LCLAT1: variants seen among roughly 807,000 people sequenced by gnomAD.
LCLAT1 encodes 1-AGP acyltransferase 8.
In LCLAT1, 11 loss-of-function variants were observed where a neutral mutation model predicts 30.7. The observed-to-expected ratio is 0.36, with a 90% CI of 0.23 to 0.59. The LOEUF is 0.59. Ranked by LOEUF, LCLAT1 falls within the 20% of genes least tolerant of loss-of-function variation. LCLAT1 has a pLI of 0.77. For synonymous variants in LCLAT1, 155 were observed against 151.3 expected (o/e 1.02, Z -0.18); for missense variants, 402 against 458.6 (o/e 0.88, Z 1.13).
chr2:30,596,548 T>C (rs922160361), intron 5 of LCLAT1, among the ~76,000 whole-genome samples: 3 of 151,862 alleles, frequency 2.0e-5, no homozygotes, highest in Non-Finnish European at 4.4e-5. Context: ...ATTAGACCTT[T>C]GTCAGATGGA....
chr2:30,527,307 T>G (rs1162715281), intron 2 of LCLAT1, among the ~76,000 whole-genome samples: 2 of 152,222 alleles, frequency 1.3e-5, no homozygotes, highest in Non-Finnish European at 2.9e-5. Flanking sequence ...GGATTCAGAA[T>G]TGTATATCTG....
At chr2:30,574,103 C>G (rs1463091656) in intron 5 of LCLAT1, among the ~76,000 whole-genome samples, 1 of 151,892 alleles carries the variant, frequency 6.6e-6, no homozygotes, top group Non-Finnish European at 1.5e-5. Flanking sequence ...GATTGCACCA[C>G]TATACTCCAG....
intron 3 of LCLAT1, among the ~76,000 whole-genome samples, chr2:30,557,283 CGTGTGTGTGTGTGTGTGTGT>C (rs373793652): frequency 1.4e-5 from 2 of 138,562 alleles, no homozygotes; most frequent in East Asian, 2.1e-4. Context: ...AAGGTATGAT[CGTGTGTGTGTGTGTGTGTGT>C]GTGTGTGTGT....
At chr2:30,447,795 A>G (rs1681336224) in intron 1 of LCLAT1, among the ~76,000 whole-genome samples, 2 of 152,216 alleles carry the variant, frequency 1.3e-5, no homozygotes, top group Admixed American at 6.5e-5. Flanking sequence ...TGACCCTGTT[A>G]AATCCCATGC....
intron 3 of LCLAT1, among the ~76,000 whole-genome samples, chr2:30,540,117 C>T (rs1030909579): frequency 1.3e-5 from 2 of 152,280 alleles, no homozygotes; most frequent in South Asian, 2.1e-4. Flanking sequence ...TGTTGTCACT[C>T]GGTTTCCCCA....
At chr2:30,490,144 G>A (rs1683769213) in intron 1 of LCLAT1, among the ~76,000 whole-genome samples, 1 of 151,878 alleles carries the variant, frequency 6.6e-6, no homozygotes, top group Admixed American at 6.6e-5. Context: ...GGCCAAGCTA[G>A]GATTCAAACT....
intron 5 of LCLAT1, among the ~76,000 whole-genome samples, chr2:30,620,062 A>G (rs1668167822): frequency 6.6e-6 from 1 of 152,312 alleles, no homozygotes; most frequent in East Asian, 1.9e-4. Flanking sequence ...GATAATCTCA[A>G]TTAATCCTCC....
chr2:30,460,446 T>A (rs910255563), intron 1 of LCLAT1, among the ~76,000 whole-genome samples: 5 of 152,254 alleles, frequency 3.3e-5, no homozygotes, highest in African/African-American at 4.8e-5. Flanking sequence ...GCTGCTTTTG[T>A]AATGCTTTTG....
At chr2:30,481,697 A>G (rs1683330784) in intron 1 of LCLAT1, among the ~76,000 whole-genome samples, 1 of 152,194 alleles carries the variant, frequency 6.6e-6, no homozygotes, top group African/African-American at 2.4e-5. Flanking sequence ...TGGTAGAGGC[A>G]GAAAGCTGAC....
chr2:30,521,485 A>C (rs1480983062), intron 1 of LCLAT1, among the ~76,000 whole-genome samples: 4 of 63,900 alleles, frequency 6.3e-5, no homozygotes, highest in African/African-American at 1.5e-4. Context: ...CCCCTAAACT[A>C]CTTCTTCTTT....
intron 4 of LCLAT1, among the ~76,000 whole-genome samples, chr2:30,565,038 CAT>C (rs1665410854): frequency 6.6e-6 from 1 of 152,090 alleles, no homozygotes; most frequent in Non-Finnish European, 1.5e-5. Flanking sequence ...CACACACAGA[CAT>C]ATGTGCACCC....
At chr2:30,597,888 G>T (rs933291562) in intron 5 of LCLAT1, among the ~76,000 whole-genome samples, 1 of 152,124 alleles carries the variant, frequency 6.6e-6, no homozygotes, top group Non-Finnish European at 1.5e-5. Context: ...GGCCTTTTCT[G>T]TATCTATTGA....
intron 5 of LCLAT1, chr2:30,607,845 CTGTGTG>C (rs55801578): frequency 0.038 from 5,283 of 138,130 alleles, 125 homozygotes; most frequent in Middle Eastern, 0.071. Context: ...TAGGCCTAGG[CTGTGTG>C]TGTGTGTGTG....
Position 30,534,265 on chromosome 2 carries a change from G to A in LCLAT1, c.364+951G>A, listed in dbSNP as rs533267989. Among the ~76,000 whole-genome samples, 960 of 116,380 alleles carry A rather than the reference G, an allele frequency of 8.2e-3. 8 individuals are homozygous for A. The highest frequency in any genetic ancestry group is 0.027 in the African/African-American group (876 of 32,500). 76.3% of individuals were successfully genotyped at this position (116,380 alleles called of 152,430 possible). ...TGTGTGTGTGTGTGTGTGTGTGTGT[G>A]TGTGTGTGTTTGGGAGACGGAGTCT... On this transcript the variant is annotated intron_variant, in intron 3 of 5. Transcript: ENST00000379509.
intron 5 of LCLAT1, among the ~76,000 whole-genome samples, chr2:30,589,605 TTGA>T (rs1666601964): frequency 6.6e-6 from 1 of 152,238 alleles, no homozygotes; most frequent in African/African-American, 2.4e-5. Context: ...TGTAAAACTG[TTGA>T]TGAGGTGTCT....
At chr2:30,540,827 G>T (rs1664103444) in intron 3 of LCLAT1, among the ~76,000 whole-genome samples, 1 of 151,894 alleles carries the variant, frequency 6.6e-6, no homozygotes, top group Non-Finnish European at 1.5e-5. Context: ...ACCACGCCCG[G>T]CTACTTTTTG....
intron 3 of LCLAT1, among the ~76,000 whole-genome samples, chr2:30,537,492 A>AT (rs139435367): frequency 0.096 from 14,513 of 151,652 alleles, 737 homozygotes; most frequent in East Asian, 0.13. Flanking sequence ...AAAGGGATCA[A>AT]TTCAGCGAGA....
chr2:30,535,545 A>G (rs764534373), intron 3 of LCLAT1, among the ~76,000 whole-genome samples: 16 of 152,232 alleles, frequency 1.1e-4, no homozygotes, highest in Non-Finnish European at 2.2e-4. Flanking sequence ...AGTAGACACC[A>G]ATGATGTTGA....
intron 1 of LCLAT1, among the ~76,000 whole-genome samples, chr2:30,516,619 C>T (rs1321391269): frequency 1.3e-5 from 2 of 152,142 alleles, no homozygotes; most frequent in Non-Finnish European, 2.9e-5. Flanking sequence ...GGCCAAGAAC[C>T]CCAGGTCAGA....
Sources: allele counts gnomAD v4.1 joint callset (sites outside exome capture counted in the v4.1 genomes callset), GRCh38; gene constraint gnomAD v4.1.1; transcripts MANE v1.5; gene names NCBI Gene and HGNC (gene_info 2026-07-23, HGNC 2026-07-21).